Variants in PIK3CG observed in about 807,000 individuals in gnomAD.
The protein encoded by PIK3CG is phosphatidylinositol-4,5-bisphosphate 3-kinase catalytic subunit gamma.
A neutral mutation model predicts 102.3 loss-of-function variants in PIK3CG; 55 were observed. The observed-to-expected ratio is 0.54, with a 90% CI of 0.43 to 0.67. The LOEUF (loss-of-function observed/expected upper bound fraction) is 0.67. Ranked by LOEUF, PIK3CG falls within the 30% of genes least tolerant of loss-of-function variation. The probability of loss-of-function intolerance (pLI) is 0.00; values close to 1 mark genes in which losing one functional copy is unlikely to be tolerated. For missense variants in PIK3CG, 1,258 were observed against 1,391.8 expected (o/e 0.90, Z 1.53); for synonymous variants, 552 against 540.0 (o/e 1.02, Z -0.31).
At position 106,872,001 on chromosome 7, in the gene PIK3CG, T is replaced by C. The variant is rs1170276529; in HGVS notation, c.1996-536T>C. Among the ~76,000 whole-genome samples the C allele has an allele frequency of 6.6e-6, 1 of 152,220 alleles. No individual in the cohort carries two copies. Among genetic ancestry groups the C allele is most frequent in the Non-Finnish European group, 1.5e-5 (1 of 68,032 alleles). On this transcript the variant is annotated intron_variant, in intron 2 of 10. Coordinates refer to ENST00000496166, the MANE Select transcript of PIK3CG (RefSeq NM_001282426.2). The surrounding 1 kb of genome is among the most constrained non-coding windows in gnomAD (Gnocchi z 5.3). ...TTGATCTAGAGCCACTGTTTACTTG[T>C]AGTTAAGGACCTGTGAGACAGTTCA...
In PIK3CG at chr7:106,883,255, T is replaced by A. The variant is rs2116547691; in HGVS notation, c.2760+92T>A. 1 of 1,331,920 alleles carries A rather than the reference T, an allele frequency of 7.5e-7. No individual in the cohort carries two copies. The highest frequency in any genetic ancestry group is 1.1e-6 in the Non-Finnish European group (1 of 940,214). The allele number at this position is 1,331,920 out of a possible 1,614,324, so 82.5% of individuals were successfully genotyped here. On this transcript the variant is annotated intron_variant, in intron 8 of 10. Transcript: ENST00000496166. The surrounding 1 kb of genome is among the most constrained non-coding windows in gnomAD (Gnocchi z 5.8). ...TTCAAGTTTTCAGAGAATCTGCCAGTGTCTTGCCTCCTGACATATTAGTGA... is the reference window on the plus strand; with the variant it reads ...TTCAAGTTTTCAGAGAATCTGCCAGAGTCTTGCCTCCTGACATATTAGTGA...
chr7:106,900,612 G>A (rs546990617), intron 10 of PIK3CG, among the ~76,000 whole-genome samples: 5 of 152,266 alleles, frequency 3.3e-5, no homozygotes, highest in African/African-American at 1.2e-4. Flanking sequence ...CTATTAGCCG[G>A]TTACTATGTT....
intron 5 of PIK3CG, among the ~76,000 whole-genome samples, chr7:106,878,031 A>ACACT (rs1790814046): frequency 6.6e-6 from 1 of 152,222 alleles, no homozygotes; most frequent in Non-Finnish European, 1.5e-5. Flanking sequence ...ATATCGGTCC[A>ACACT]CATTTCCTTG....
At position 106,867,552 on chromosome 7, in the gene PIK3CG, C is replaced by G. The variant is rs750273470; in HGVS notation, c.-10C>G. On this transcript the variant is annotated splice_region_variant and 5_prime_UTR_variant, in exon 2 of 11. Transcript: ENST00000496166. This position sits in a 1 kb window ranked among gnomAD's most constrained non-coding sequence, Gnocchi z 5.1. The stretch of plus-strand genomic sequence containing the variant: ...TCCCTGTGTCCCTCCGCTCCCAGGT[C>G]GCATAGGGCATGGAGCTGGAGAACT... 6.5e-7 allele frequency: 1 copy of G among 1,535,526 alleles called. No homozygotes were observed. Among genetic ancestry groups the G allele is most frequent in the Non-Finnish European group, 8.7e-7 (1 of 1,143,092 alleles).
Position 106,874,699 on chromosome 7 carries a change from G to T in PIK3CG, c.2288-1G>T. The T allele has an allele frequency of 6.3e-7, 1 of 1,599,808 alleles. No homozygotes were observed. Among genetic ancestry groups the T allele is most frequent in the Non-Finnish European group, 8.6e-7 (1 of 1,167,256 alleles). ...CTCTTGTGTACTTTTGACAATTACA[G>T]TTATTTCACAACTTAAACAAAAGCT... On this transcript the variant is annotated splice_acceptor_variant, in intron 4 of 10. Coordinates refer to ENST00000496166, the MANE Select transcript of PIK3CG (RefSeq NM_001282426.2). LOFTEE classifies it high-confidence loss of function. The surrounding 1 kb of genome is among the most constrained non-coding windows in gnomAD (Gnocchi z 4.3).
chr7:106,901,963 A>G (rs963154024), intron 10 of PIK3CG, among the ~76,000 whole-genome samples: 16 of 152,056 alleles, frequency 1.1e-4, no homozygotes, highest in Non-Finnish European at 2.4e-4. Context: ...GTTCTCTCTC[A>G]ATGCTCTGAA....
At chr7:106,878,727 G>C (rs952731174) in intron 5 of PIK3CG, among the ~76,000 whole-genome samples, 38 of 152,218 alleles carry the variant, frequency 2.5e-4, no homozygotes, top group African/African-American at 8.9e-4. Flanking sequence ...AGATGAGGAA[G>C]TTCTTCCCCT....
In PIK3CG at chr7:106,872,874, G is replaced by A. The variant is rs766932104; in HGVS notation, c.2223G>A (p.Met741Ile). The change falls in exon 4 of 11, where the codon ATG becomes ATA. Residue 741 changes from methionine to isoleucine, a missense_variant. By Grantham distance (10) the Met-to-Ile change is conservative. This residue lies in a region of PIK3CG where 426 missense variants were observed against 604.2 expected (regional missense o/e 0.71). Transcript: ENST00000496166. This position sits in a 1 kb window ranked among gnomAD's most constrained non-coding sequence, Gnocchi z 5.3. Reference sequence around the variant, plus strand: ...CCCAACAAGTCCAAGTAATCGAGATGTTACAAAAAGTCACCCTTGATATTA... The same window carrying A: ...CCCAACAAGTCCAAGTAATCGAGATATTACAAAAAGTCACCCTTGATATTA... ...DFTQQVQVIE[M>I]LQKVTLDIKS... The A allele has an allele frequency of 1.2e-5, 20 of 1,614,088 alleles. No homozygotes were observed. Among genetic ancestry groups the A allele is most frequent in the Non-Finnish European group, 1.7e-5 (20 of 1,180,040 alleles).
In PIK3CG at chr7:106,880,927, C is replaced by A. The variant is rs1353981805; in HGVS notation, c.2539-1190C>A. 6.6e-6 allele frequency among the ~76,000 whole-genome samples: 1 copy of A among 152,130 alleles called. No homozygotes were observed. The highest frequency in any genetic ancestry group is 2.4e-5 in the African/African-American group (1 of 41,428). On this transcript the variant is annotated intron_variant, in intron 6 of 10. Transcript: ENST00000496166. This position sits in a 1 kb window ranked among gnomAD's most constrained non-coding sequence, Gnocchi z 4.2. ...CTTGGCTCAATGAATCCTCCCACCT[C>A]AGCCTCCCACACAACTTTCACAGTC...
At chr7:106,871,084 A>C (rs1324149828) in intron 2 of PIK3CG, among the ~76,000 whole-genome samples, 4 of 152,254 alleles carry the variant, frequency 2.6e-5, no homozygotes, top group Non-Finnish European at 4.4e-5. Context: ...TAAATGAAAG[A>C]GGTCAATACA....
rs1562954997 is a variant in PIK3CG, at chr7:106,868,910, C to G, written c.1349C>G (p.Pro450Arg). 3 of 1,614,186 alleles carry G rather than the reference C, an allele frequency of 1.9e-6. No homozygotes were observed. The change falls in exon 2 of 11, where the codon CCC becomes CGC. Residue 450 changes from proline to arginine, a missense_variant. This residue lies in a region of PIK3CG where 832 missense variants were observed against 787.5 expected (regional missense o/e 1.06). Coordinates refer to ENST00000496166, the MANE Select transcript of PIK3CG (RefSeq NM_001282426.2). The surrounding 1 kb of genome is among the most constrained non-coding windows in gnomAD (Gnocchi z 6.2). ...ALSSKASAES[P>R]SSESKGKVQL... ...TCCAGCAAGGCCTCTGCAGAGTCCC[C>G]CAGTTCTGAGTCCAAGGGCAAAGTT...
chr7:106,895,968 C>A lies in PIK3CG; in HGVS notation c.3031-9141C>A, dbSNP rs572195303. ...AAGGCTGATTAAAGCTGCACCAAGTCTCTAAGTGTGTACAGCCCATCAGAA... is the reference window on the plus strand; with the variant it reads ...AAGGCTGATTAAAGCTGCACCAAGTATCTAAGTGTGTACAGCCCATCAGAA... On this transcript the variant is annotated intron_variant, in intron 10 of 10. Transcript: ENST00000496166. The surrounding 1 kb of genome is among the most constrained non-coding windows in gnomAD (Gnocchi z 5.4). Among the ~76,000 whole-genome samples, 1 of 152,338 alleles carries A rather than the reference C, an allele frequency of 6.6e-6. No homozygotes were observed. Among genetic ancestry groups the A allele is most frequent in the African/African-American group, 2.4e-5 (1 of 41,580 alleles).
rs918283382 is a variant in PIK3CG at position 106,905,445 on chromosome 7, A to G, written c.*58A>G. The G allele has an allele frequency of 1.8e-5, 27 of 1,481,610 alleles. No homozygotes were observed. The highest frequency in any genetic ancestry group is 9.8e-5 in the African/African-American group (7 of 71,472). 91.8% of individuals were successfully genotyped at this position (1,481,610 alleles called of 1,614,324 possible). A position where few individuals can be genotyped will look rare whatever the true frequency, so the allele number is the denominator to read the frequency against. ...TTCTATGGTTTAAATTAGCATAGCA[A>G]TCATCGAACTTGGATTTCAAATGCA... On this transcript the variant is annotated 3_prime_UTR_variant, in exon 11 of 11. Transcript: ENST00000496166. The surrounding 1 kb of genome is among the most constrained non-coding windows in gnomAD (Gnocchi z 5.6).
At position 106,893,441 on chromosome 7, in the gene PIK3CG, C is replaced by T. The variant is rs548817472; in HGVS notation, c.3030+7149C>T. Among the ~76,000 whole-genome samples the T allele has an allele frequency of 2.6e-5, 4 of 152,154 alleles. No homozygotes were observed. The highest frequency in any genetic ancestry group is 2.9e-5 in the Non-Finnish European group (2 of 68,038). ...TTAAATTACTATTCTGGAAAAGATA[C>T]GAATCCAAAACTGGAAAGATAATAA... On this transcript the variant is annotated intron_variant, in intron 10 of 10. Transcript: ENST00000496166. The surrounding 1 kb of genome is among the most constrained non-coding windows in gnomAD (Gnocchi z 4.4).
rs1463041855 is a variant in PIK3CG at position 106,868,684 on chromosome 7, C to T, written c.1123C>T (p.Arg375Trp). Reference protein sequence around the residue: ...IRGIDIPVLPRNTDLTVFVEA... With the variant: ...IRGIDIPVLPWNTDLTVFVEA... ...AGGCATTGATATCCCCGTCCTGCCT[C>T]GGAACACCGACCTCACAGTTTTTGT... The change falls in exon 2 of 11, where the codon CGG (arginine) becomes TGG (tryptophan). Residue 375 changes from arginine (R) to tryptophan (W), a missense_variant. Around this residue, in one of 2 missense-constraint regions of PIK3CG, gnomAD observed 832 missense variants for 787.5 expected, o/e 1.06. Coordinates refer to ENST00000496166, the MANE Select transcript of PIK3CG (RefSeq NM_001282426.2). This position sits in a 1 kb window ranked among gnomAD's most constrained non-coding sequence, Gnocchi z 6.2. 4 of 1,614,112 alleles carry T rather than the reference C, an allele frequency of 2.5e-6. No homozygotes were observed. Among genetic ancestry groups the T allele is most frequent in the Non-Finnish European group, 3.4e-6 (4 of 1,180,060 alleles).
In PIK3CG at chr7:106,880,013, T is replaced by C. The variant is rs148832111; in HGVS notation, c.2538+348T>C. Reference sequence around the variant, plus strand: ...CTCACTTCATTCCTGCCCATAGACATGTCTGCACATCTCTAGGCACTCTTT... The same window carrying C: ...CTCACTTCATTCCTGCCCATAGACACGTCTGCACATCTCTAGGCACTCTTT... On this transcript the variant is annotated intron_variant, in intron 6 of 10. Transcript: ENST00000496166. This position sits in a 1 kb window ranked among gnomAD's most constrained non-coding sequence, Gnocchi z 4.2. 6.6e-6 allele frequency among the ~76,000 whole-genome samples: 1 copy of C among 152,336 alleles called. No individual in the cohort carries two copies. The highest frequency in any genetic ancestry group is 1.5e-5 in the Non-Finnish European group (1 of 68,036).
intron 10 of PIK3CG, among the ~76,000 whole-genome samples, chr7:106,898,114 T>A (rs931120183): frequency 6.6e-6 from 1 of 151,382 alleles, no homozygotes; most frequent in African/African-American, 2.4e-5. Context: ...GCTTTTGATT[T>A]GCATTTCTCT....
In PIK3CG at chr7:106,891,009, T is replaced by G. The variant is rs1273613826; in HGVS notation, c.3030+4717T>G. On this transcript the variant is annotated intron_variant, in intron 10 of 10. Transcript: ENST00000496166. The surrounding 1 kb of genome is among the most constrained non-coding windows in gnomAD (Gnocchi z 4.4). ...CACAGTCCCCTGCCAGGTCCTTCATTGCATGTATCACAAAATACATTTATT... is the reference window on the plus strand; with the variant it reads ...CACAGTCCCCTGCCAGGTCCTTCATGGCATGTATCACAAAATACATTTATT... Among the ~76,000 whole-genome samples, 1 of 152,258 alleles carries G rather than the reference T, an allele frequency of 6.6e-6. No individual in the cohort carries two copies.
At chr7:106,904,401 G>C (rs1265087007) in intron 10 of PIK3CG, among the ~76,000 whole-genome samples, 1 of 152,016 alleles carries the variant, frequency 6.6e-6, no homozygotes, top group Non-Finnish European at 1.5e-5. Flanking sequence ...GTAAAATTGA[G>C]ACTCTTGCAT....
Sources: allele counts gnomAD v4.1 joint callset (sites outside exome capture counted in the v4.1 genomes callset), GRCh38; gene constraint gnomAD v4.1.1; regional missense constraint gnomAD v4.1.1; non-coding constraint Gnocchi (gnomAD v3.1); transcripts MANE v1.5; gene names NCBI Gene and HGNC (gene_info 2026-07-23, HGNC 2026-07-21).